Variants in PPIE observed in about 807,000 individuals in gnomAD.
PPIE encodes peptidylprolyl isomerase E, also known as peptidyl-prolyl cis-trans isomerase E.
Under a neutral mutation model 38.4 loss-of-function variants are expected in PPIE, and 20 were observed. The observed-to-expected ratio is 0.52, with a 90% confidence interval of 0.37 to 0.76. The LOEUF (loss-of-function observed/expected upper bound fraction) is 0.76. PPIE is among the 30% of genes least tolerant of loss of function. The pLI is 0.00. For synonymous variants in PPIE, 142 were observed against 135.7 expected (o/e 1.05, Z -0.32); for missense variants, 322 against 385.8 (o/e 0.83, Z 1.39).
At chr1:39,743,167 C>G (rs376557761) in intron 4 of PPIE, 49 bp from the exon 5 acceptor site, 2 of 1,535,012 alleles carry the variant, frequency 1.3e-6, no homozygotes, top group Non-Finnish European at 1.8e-6. Context: ...CTGGCTGGCC[C>G]TCTTTTAACC....
chr1:39,739,682 A>G (rs1399634936), intron 1 of PPIE, among the ~76,000 whole-genome samples: 1 of 152,140 alleles, frequency 6.6e-6, no homozygotes. Context: ...GTTCACTGCA[A>G]GGGAGTCGCA....
chr1:39,743,337 C>A, intron 5 of PPIE, 40 bp downstream of exon 5: 10 of 1,583,608 alleles, frequency 6.3e-6, no homozygotes, highest in Non-Finnish European at 8.7e-6. Flanking sequence ...TGATGTTCTG[C>A]AGTTTGGCCT....
At position 39,752,956 on chromosome 1, in the gene PPIE, G is replaced by C. The variant is rs1213657125; in HGVS notation, c.741G>C (p.Gln247His). ...ANSGPNTNGSQFFLTCDKTDW... is the reference protein window; with the variant it reads ...ANSGPNTNGSHFFLTCDKTDW... Reference sequence around the variant, plus strand: ...CTGGCCCAAACACCAATGGCTCTCAGTTCTTCCTGACATGTGACAAGACAG... The same window carrying C: ...CTGGCCCAAACACCAATGGCTCTCACTTCTTCCTGACATGTGACAAGACAG... The change falls in exon 9 of 10, where the codon CAG becomes CAC. Residue 247 changes from glutamine (Q) to histidine (H), a missense_variant. By Grantham distance (24) the Gln-to-His change is conservative (BLOSUM62 0). Coordinates refer to ENST00000324379, the MANE Select transcript of PPIE (RefSeq NM_006112.4). The C allele has an allele frequency of 1.2e-6, 2 of 1,614,202 alleles. No individual in the cohort carries two copies. The highest frequency in any genetic ancestry group is 1.7e-6 in the Non-Finnish European group (2 of 1,180,026).
chr1:39,762,817 G>A (rs995304522), intron 9 of PPIE, among the ~76,000 whole-genome samples: 1 of 152,248 alleles, frequency 6.6e-6, no homozygotes, highest in Non-Finnish European at 1.5e-5. Flanking sequence ...AGGTGCGTAA[G>A]TGTCCCACAG....
intron 2 of PPIE, among the ~76,000 whole-genome samples, chr1:39,740,770 T>G (rs1344631167): frequency 6.6e-6 from 1 of 152,270 alleles, no homozygotes; most frequent in East Asian, 1.9e-4. Flanking sequence ...ATTATAGTTT[T>G]AGGCCTAGTT....
rs1039939923 is a variant in PPIE at position 39,756,658 on chromosome 1, CAT to C, written c.*3309_*3310del. On this transcript the variant is annotated 3_prime_UTR_variant, in exon 10 of 10. Transcript: ENST00000324379. ...GTAGAAAAAGCACATCACAAAGAAA[CAT>C]ATATAGTACAGTGTGATCCCAATTT... The C allele has an allele frequency of 1.3e-4, 128 of 961,214 alleles. No homozygotes were observed. The highest frequency in any genetic ancestry group is 1.1e-3 in the African/African-American group (65 of 56,796). The allele number at this position is 961,214 out of a possible 1,614,324, so 59.5% of individuals were successfully genotyped here.
rs1181071373 is a variant in PPIE, at chr1:39,741,751, GC to G, written c.175-143del. 3.5e-6 allele frequency: 3 copies of G among 865,328 alleles called. No individual in the cohort carries two copies. The African/African-American group carries it at 5.1e-5, about 15-fold the overall frequency. The allele number at this position is 865,328 out of a possible 1,614,324, so 53.6% of individuals were successfully genotyped here. ...CCAGCTCTAAAATCAGCCAGGAAGT[GC>G]TCTTTGTTAGAAACACACAAAACCT... On this transcript the variant is annotated intron_variant, in intron 3 of 9. Coordinates refer to ENST00000324379, the MANE Select transcript of PPIE (RefSeq NM_006112.4).
intron 9 of PPIE, 48 bp from the exon 10 acceptor site, chr1:39,753,239 C>T: frequency 1.2e-6 from 2 of 1,609,080 alleles, no homozygotes; most frequent in Non-Finnish European, 1.7e-6. Flanking sequence ...ATCCCTAAAC[C>T]ACTGTTAGTC....
At chr1:39,762,562 A>C (rs1325030287) in intron 9 of PPIE, 1 of 1,550,398 alleles carries the variant, frequency 6.4e-7, no homozygotes, top group Non-Finnish European at 8.7e-7. Flanking sequence ...ATCCAGAAAA[A>C]ACAAAGATGG....
At chr1:39,742,812 T>C (rs1188894963) in intron 4 of PPIE, 1 of 153,864 alleles carries the variant, frequency 6.5e-6, no homozygotes, top group Admixed American at 6.5e-5. Context: ...CTGGTACCGA[T>C]TATCTTTGGA....
chr1:39,756,566 G>GAATT lies in PPIE; in HGVS notation c.*3213_*3216dup, dbSNP rs1454574347. On this transcript the variant is annotated 3_prime_UTR_variant, in exon 10 of 10. Transcript: ENST00000324379. ...AGCCTCACGGCAACCTCTGAAGAAG[G>GAATT]AATTATAGAACCAACTTTTTATTGT... is the stretch of plus-strand genomic sequence containing the variant. 1.0e-6 allele frequency: 1 copy of GAATT among 985,298 alleles called. No individual in the cohort carries two copies. Among genetic ancestry groups the GAATT allele is most frequent in the Non-Finnish European group, 1.2e-6 (1 of 829,936 alleles). The allele number at this position is 985,298 out of a possible 1,614,324, so 61.0% of individuals were successfully genotyped here. A position where few individuals can be genotyped will look rare whatever the true frequency, so the allele number is the denominator to read the frequency against.
At chr1:39,739,006 T>C (rs1569617553) in intron 1 of PPIE, 75 bp downstream of exon 1, 1 of 1,353,498 alleles carries the variant, frequency 7.4e-7, no homozygotes, top group East Asian at 2.9e-5. Flanking sequence ...GTGGGACGCA[T>C]CTCTGAACCA....
At position 39,754,894 on chromosome 1, in the gene PPIE, C is replaced by A; in HGVS notation, c.*1539C>A. 1 of 430,440 alleles carries A rather than the reference C, an allele frequency of 2.3e-6. No individual in the cohort carries two copies. The highest frequency in any genetic ancestry group is 3.1e-6 in the Non-Finnish European group (1 of 322,694). 26.7% of individuals were successfully genotyped at this position (430,440 alleles called of 1,614,324 possible). ...AACCATCATCACAGCAACATCTAGA[C>A]TAGTGTTTGACTAAAAACTGGATAC... On this transcript the variant is annotated 3_prime_UTR_variant, in exon 10 of 10. Coordinates refer to ENST00000324379, the MANE Select transcript of PPIE (RefSeq NM_006112.4).
At chr1:39,749,810 A>G (rs1228268533) in intron 8 of PPIE, among the ~76,000 whole-genome samples, 1 of 152,162 alleles carries the variant, frequency 6.6e-6, no homozygotes, top group African/African-American at 2.4e-5. Flanking sequence ...ATTAGCATGA[A>G]AGCATGCAGT....
chr1:39,756,309 T>C lies in PPIE; in HGVS notation c.*2954T>C. ...TGGCCTCCCCATTCCACATTCCCAT[T>C]GCTGGACCAGCACCAGGACTGGGCA... On this transcript the variant is annotated 3_prime_UTR_variant, in exon 10 of 10. Transcript: ENST00000324379. 1 of 985,452 alleles carries C rather than the reference T, an allele frequency of 1.0e-6. No individual in the cohort carries two copies. Among genetic ancestry groups the C allele is most frequent in the Non-Finnish European group, 1.2e-6 (1 of 829,920 alleles). 61.0% of individuals were successfully genotyped at this position (985,452 alleles called of 1,614,324 possible). A position where few individuals can be genotyped will look rare whatever the true frequency, so the allele number is the denominator to read the frequency against.
chr1:39,755,282 G>A lies in PPIE; in HGVS notation c.*1927G>A, dbSNP rs1648145133. 6 of 985,368 alleles carry A rather than the reference G, an allele frequency of 6.1e-6. No homozygotes were observed. Among genetic ancestry groups the A allele is most frequent in the Admixed American group, 6.1e-5 (1 of 16,272 alleles). 61.0% of individuals were successfully genotyped at this position (985,368 alleles called of 1,614,324 possible). On this transcript the variant is annotated 3_prime_UTR_variant, in exon 10 of 10. Coordinates refer to ENST00000324379, the MANE Select transcript of PPIE (RefSeq NM_006112.4). ...TTGGATTGAGATCTGGATGAGCCAG[G>A]AGGCAGGAGAGGCTAGGTGGTCCTC...
At chr1:39,760,373 C>G (rs200807723), downstream of PPIE, 5 of 1,608,662 alleles carry the variant, frequency 3.1e-6, no homozygotes, top group East Asian at 1.1e-4. Context: ...CTGAGGGGCC[C>G]GATCCAGATG....
chr1:39,748,674 G>A, intron 7 of PPIE: 1 of 493,032 alleles, frequency 2.0e-6, no homozygotes, highest in South Asian at 2.2e-5. Context: ...GGTGGAAGTT[G>A]CAGTGAACTG....
downstream of PPIE, chr1:39,760,388 G>T: frequency 5.0e-6 from 8 of 1,611,936 alleles, no homozygotes; most frequent in Non-Finnish European, 6.8e-6. Flanking sequence ...CAGATGAGAA[G>T]GGTGGCTGCA....
Sources: allele counts gnomAD v4.1 joint callset (sites outside exome capture counted in the v4.1 genomes callset), GRCh38; gene constraint gnomAD v4.1.1; transcripts MANE v1.5; gene names NCBI Gene and HGNC (gene_info 2026-07-23, HGNC 2026-07-21).